Variants in LYZL4 observed in about 807,000 individuals in gnomAD.
The protein encoded by LYZL4 is lysozyme like 4, also known as lysozyme-like protein 4.
Under a neutral mutation model 17.6 loss-of-function variants are expected in LYZL4, and 13 were observed. The observed-to-expected ratio is 0.74, with a 90% CI of 0.48 to 1.18. The LOEUF (loss-of-function observed/expected upper bound fraction) is 1.18. Among genes scored for constraint, LYZL4 ranks in the 50% most tolerant of loss-of-function variants. LYZL4 has a pLI of 0.00. For synonymous variants in LYZL4, 64 were observed against 67.7 expected (o/e 0.95, Z 0.27); for missense variants, 174 against 188.2 (o/e 0.92, Z 0.44).
the LYZL4 span, among the ~76,000 whole-genome samples, chr3:42,380,747 A>G: frequency 4.1e-4 from 62 of 152,252 alleles, no homozygotes; most frequent in African/African-American, 1.3e-3. Context: ...TCTGGAGTAA[A>G]CTAGTCAAGG....
At chr3:42,407,523 C>G (rs1262420413) in intron 1 of LYZL4, 180 bp from the exon 2 acceptor site, 1 of 464,830 alleles carries the variant, frequency 2.2e-6, no homozygotes, top group Non-Finnish European at 3.9e-6. Context: ...AAATTGCACT[C>G]TTGAGGCCCC....
chr3:42,404,115 T>G lies in LYZL4; in HGVS notation c.302A>C (p.Asn101Thr). The G allele has an allele frequency of 6.2e-7, 1 of 1,611,392 alleles. No homozygotes were observed. Among genetic ancestry groups the G allele is most frequent in the Non-Finnish European group, 8.5e-7 (1 of 1,177,640 alleles). Residue 101 changes from asparagine to threonine, a missense_variant, in exon 4 of 5, where the codon AAT (asparagine) becomes ACT (threonine). Transcript: ENST00000287748. ...TTTAATTGTCTTCTCTAAATTAGGA[T>G]TCAGTAAAGCTGTGGGGAAAAGAAA... ...RCHMSCSALL[N>T]PNLEKTIKCA...
the LYZL4 span, among the ~76,000 whole-genome samples, chr3:42,376,271 G>A: frequency 1.5e-4 from 23 of 152,338 alleles, no homozygotes; most frequent in African/African-American, 5.5e-4. Context: ...TGGCTGACCA[G>A]GGAAGCCTGA....
the LYZL4 span, among the ~76,000 whole-genome samples, chr3:42,363,705 G>A: frequency 1.5e-3 from 230 of 152,324 alleles, 1 homozygote; most frequent in African/African-American, 5.1e-3. Context: ...AAGAATTGAG[G>A]TAACAGATGT....
At chr3:42,369,109 G>A in the LYZL4 span, among the ~76,000 whole-genome samples, 1 of 152,218 alleles carries the variant, frequency 6.6e-6, no homozygotes, top group South Asian at 2.1e-4. Flanking sequence ...GTTCCACAAA[G>A]ACTCAAAGCC....
intron 4 of LYZL4, among the ~76,000 whole-genome samples, chr3:42,401,283 T>C (rs1222879102): frequency 6.6e-6 from 1 of 152,114 alleles, no homozygotes; most frequent in Non-Finnish European, 1.5e-5. Context: ...CAATCTTAGC[T>C]CACTGGAACC....
chr3:42,402,986 T>C (rs996868750), intron 4 of LYZL4, among the ~76,000 whole-genome samples: 4 of 152,202 alleles, frequency 2.6e-5, no homozygotes, highest in Non-Finnish European at 4.4e-5. Flanking sequence ...AAGTCAGACA[T>C]AGGCCAACCA....
the LYZL4 span, among the ~76,000 whole-genome samples, chr3:42,371,174 G>A: frequency 1.3e-5 from 2 of 152,180 alleles, no homozygotes; most frequent in Non-Finnish European, 2.9e-5. Flanking sequence ...TGCCCTAGTT[G>A]TCCTAGTCTG....
intron 4 of LYZL4, among the ~76,000 whole-genome samples, chr3:42,398,457 G>T (rs1698594588): frequency 6.6e-6 from 1 of 152,162 alleles, no homozygotes; most frequent in African/African-American, 2.4e-5. Flanking sequence ...GACCATATAT[G>T]AAAGGTATTT....
chr3:42,399,282 C>T (rs181359289), intron 4 of LYZL4, among the ~76,000 whole-genome samples: 9 of 152,282 alleles, frequency 5.9e-5, no homozygotes, highest in South Asian at 2.1e-4. Context: ...GTCTCTCCAA[C>T]GTTTAAATGC....
chr3:42,370,466 A>G, the LYZL4 span, among the ~76,000 whole-genome samples: 1 of 152,194 alleles, frequency 6.6e-6, no homozygotes, highest in Non-Finnish European at 1.5e-5. Flanking sequence ...CCCCTGGTCC[A>G]GGGAGAACAA....
chr3:42,388,325 C>T, the LYZL4 span, among the ~76,000 whole-genome samples: 95,965 of 152,006 alleles, frequency 0.63, 30,856 homozygotes, highest in East Asian at 0.92. Flanking sequence ...GATTTTATCC[C>T]GATCTTAAAA....
chr3:42,402,315 C>CTTTT lies in LYZL4; in HGVS notation c.371+1730_371+1731insAAAA, dbSNP rs201251667. 1.5e-5 allele frequency among the ~76,000 whole-genome samples: 2 copies of CTTTT among 136,996 alleles called. 1 individual carries two copies. Among genetic ancestry groups the CTTTT allele is most frequent in the African/African-American group, 5.6e-5 (2 of 35,970 alleles). 89.9% of individuals were successfully genotyped at this position (136,996 alleles called of 152,430 possible). Reference sequence around the variant, plus strand: ...AGCAAGGCCCCATTTCTTTTCTTTTCTTTCTTTTTTTTTTTTTGAGATGTC... The same window carrying CTTTT: ...AGCAAGGCCCCATTTCTTTTCTTTTCTTTTTTTCTTTTTTTTTTTTTGAGATGTC... On this transcript the variant is annotated intron_variant, in intron 4 of 4. Coordinates refer to ENST00000287748, the MANE Select transcript of LYZL4 (RefSeq NM_144634.4).
At chr3:42,378,479 A>G in the LYZL4 span, among the ~76,000 whole-genome samples, 273 of 152,292 alleles carry the variant, frequency 1.8e-3, 1 homozygote, top group African/African-American at 6.3e-3. Flanking sequence ...ACGATCTCTA[A>G]TCCCTGAAGT....
At chr3:42,378,518 A>G in the LYZL4 span, among the ~76,000 whole-genome samples, 20 of 152,200 alleles carry the variant, frequency 1.3e-4, no homozygotes, top group Admixed American at 1.3e-3. Flanking sequence ...TCTGTCCCCA[A>G]GTCTCCACCA....
chr3:42,406,378 CAGG>C (rs1698749452), intron 3 of LYZL4, among the ~76,000 whole-genome samples: 2 of 140,872 alleles, frequency 1.4e-5, no homozygotes, highest in South Asian at 4.5e-4. Flanking sequence ...GGCACGAAGC[CAGG>C]AGGTGGAGCT....
chr3:42,390,638 T>C, the LYZL4 span, among the ~76,000 whole-genome samples: 1 of 152,272 alleles, frequency 6.6e-6, no homozygotes, highest in African/African-American at 2.4e-5. Context: ...CAGTTATTTT[T>C]ATATTTACTG....
At chr3:42,397,509 T>A (rs143523793) in intron 4 of LYZL4, among the ~76,000 whole-genome samples, 175 bp from the exon 5 acceptor site, 389 of 152,314 alleles carry the variant, frequency 2.6e-3, no homozygotes, top group Middle Eastern at 0.02. Context: ...GCTGTCTTCA[T>A]CACATCCTGG....
the LYZL4 span, among the ~76,000 whole-genome samples, chr3:42,370,586 C>G: frequency 1.3e-5 from 2 of 152,192 alleles, no homozygotes; most frequent in African/African-American, 4.8e-5. Flanking sequence ...TTGTGAACCA[C>G]TAAGATTTGG....
Sources: gnomAD v4.1 joint callset for allele counts (sites outside exome capture counted in the v4.1 genomes callset) on GRCh38, gnomAD v4.1.1 for gene constraint, MANE v1.5 for transcripts, NCBI Gene and HGNC (gene_info 2026-07-23, HGNC 2026-07-21) for gene names.